The following PDE4D variants were observed in gnomAD, a reference collection of about 807,000 sequenced individuals.
The protein encoded by PDE4D is 3',5'-cyclic-AMP phosphodiesterase 4D.
In PDE4D, 24 loss-of-function variants were observed where a neutral mutation model predicts 87.4. The observed-to-expected ratio is 0.27, with a 90% CI of 0.20 to 0.39. PDE4D has a LOEUF of 0.39. PDE4D is among the 10% of genes least tolerant of loss of function. The pLI is 1.00. For missense variants in PDE4D, 714 were observed against 1,041.0 expected (o/e 0.69, Z 4.32); for synonymous variants, 384 against 383.2 (o/e 1.00, Z -0.02).
intron 2 of PDE4D, among the ~76,000 whole-genome samples, chr5:60,016,503 T>C (rs1765536692): frequency 6.6e-6 from 1 of 152,188 alleles, no homozygotes; most frequent in Admixed American, 6.5e-5. Context: ...CTGTAGCATG[T>C]GGTGCTGTTT....
At chr5:59,073,288 T>G (rs1189651481) in intron 5 of PDE4D, among the ~76,000 whole-genome samples, 1 of 152,042 alleles carries the variant, frequency 6.6e-6, no homozygotes, top group Non-Finnish European at 1.5e-5. Context: ...CCTGCTAAGC[T>G]GGGGAATTCA....
intron 1 of PDE4D, among the ~76,000 whole-genome samples, chr5:60,519,816 C>A (rs927640816): frequency 6.6e-6 from 1 of 152,076 alleles, no homozygotes; most frequent in Admixed American, 6.5e-5. Context: ...ACTTTTAATA[C>A]GTCAAAGGTA....
chr5:60,037,988 G>C (rs1041299810), intron 2 of PDE4D, among the ~76,000 whole-genome samples: 34 of 152,056 alleles, frequency 2.2e-4, no homozygotes, highest in African/African-American at 7.5e-4. Context: ...GAAAAATTTA[G>C]GTGGCTCCAT....
intron 3 of PDE4D, among the ~76,000 whole-genome samples, chr5:59,957,795 G>A (rs1426693833): frequency 1.3e-5 from 2 of 152,022 alleles, no homozygotes; most frequent in Non-Finnish European, 2.9e-5. Flanking sequence ...TTCTGAAAAT[G>A]AGTGAATTTT....
chr5:59,788,843 A>G (rs1193388928), intron 1 of PDE4D, among the ~76,000 whole-genome samples: 2 of 152,276 alleles, frequency 1.3e-5, no homozygotes, highest in Non-Finnish European at 1.5e-5. Context: ...ATTCCCTTAC[A>G]TAGCTATAGA....
At chr5:59,758,791 T>TA (rs1489503528) in intron 1 of PDE4D, among the ~76,000 whole-genome samples, 10 of 152,190 alleles carry the variant, frequency 6.6e-5, no homozygotes, top group African/African-American at 1.4e-4. Context: ...CTTACTTTCT[T>TA]ACAGCAGCAA....
intron 6 of PDE4D, among the ~76,000 whole-genome samples, chr5:59,012,981 T>G (rs1178818121): frequency 6.6e-6 from 1 of 150,730 alleles, no homozygotes; most frequent in Non-Finnish European, 1.5e-5. Context: ...AAGTAGAAGT[T>G]GGGATTAAGA....
At chr5:59,508,237 G>T (rs1809631681) in intron 1 of PDE4D, among the ~76,000 whole-genome samples, 1 of 152,062 alleles carries the variant, frequency 6.6e-6, no homozygotes. Flanking sequence ...ATACCCAAAA[G>T]TCAATACCTA....
intron 2 of PDE4D, among the ~76,000 whole-genome samples, chr5:60,035,921 C>G (rs1017989464): frequency 6.6e-6 from 1 of 152,154 alleles, no homozygotes; most frequent in Non-Finnish European, 1.5e-5. Flanking sequence ...ACATTCCCAG[C>G]AGATTCAAAC....
chr5:59,852,582 A>G (rs1744842175), intron 1 of PDE4D, among the ~76,000 whole-genome samples: 1 of 152,120 alleles, frequency 6.6e-6, no homozygotes, highest in African/African-American at 2.4e-5. Flanking sequence ...GTCCTGATGT[A>G]TATGACTGTA....
chr5:60,301,994 G>C (rs1337625286), intron 1 of PDE4D, among the ~76,000 whole-genome samples: 1 of 152,102 alleles, frequency 6.6e-6, no homozygotes, highest in Non-Finnish European at 1.5e-5. Flanking sequence ...TGCATATGTT[G>C]ATACAACCTT....
At chr5:59,810,609 C>T (rs1768240587) in intron 1 of PDE4D, among the ~76,000 whole-genome samples, 1 of 152,158 alleles carries the variant, frequency 6.6e-6, no homozygotes, top group South Asian at 2.1e-4. Flanking sequence ...GCATTTGCTC[C>T]CACCCCTGGG....
chr5:60,349,496 T>C (rs1759005277), intron 1 of PDE4D, among the ~76,000 whole-genome samples: 1 of 152,192 alleles, frequency 6.6e-6, no homozygotes, highest in South Asian at 2.1e-4. Flanking sequence ...GATCGAATCA[T>C]GCCACTTTAA....
chr5:59,022,206 GT>G (rs1755304101), intron 6 of PDE4D, among the ~76,000 whole-genome samples: 1 of 151,982 alleles, frequency 6.6e-6, no homozygotes, highest in Admixed American at 6.6e-5. Context: ...TTACTTCAAG[GT>G]TCTCCTAAAG....
At chr5:59,465,326 A>G (rs983437529) in intron 1 of PDE4D, among the ~76,000 whole-genome samples, 18 of 152,042 alleles carry the variant, frequency 1.2e-4, no homozygotes, top group Non-Finnish European at 2.1e-4. Flanking sequence ...CACCACTACC[A>G]TCACCACCTT....
chr5:59,920,304 T>C (rs1212627435), intron 3 of PDE4D, among the ~76,000 whole-genome samples: 1 of 152,232 alleles, frequency 6.6e-6, no homozygotes, highest in Non-Finnish European at 1.5e-5. Context: ...ATCTCTGCCA[T>C]TTCCAAGCCC....
chr5:59,910,386 T>C (rs752215810), intron 3 of PDE4D, among the ~76,000 whole-genome samples: 1 of 152,228 alleles, frequency 6.6e-6, no homozygotes, highest in Non-Finnish European at 1.5e-5. Flanking sequence ...TGTTTCTGAA[T>C]TGCACATCGT....
chr5:59,576,490 A>G (rs1485308042), intron 1 of PDE4D, among the ~76,000 whole-genome samples: 1 of 152,192 alleles, frequency 6.6e-6, no homozygotes, highest in Admixed American at 6.5e-5. Context: ...ATTTCCCCTG[A>G]CAATATAATT....
At chr5:60,499,384 T>G (rs1048786948) in intron 1 of PDE4D, among the ~76,000 whole-genome samples, 1 of 152,186 alleles carries the variant, frequency 6.6e-6, no homozygotes, top group Non-Finnish European at 1.5e-5. Context: ...TCTACAGAAT[T>G]TCATGAACTT....
Sources: allele counts gnomAD v4.1 joint callset (sites outside exome capture counted in the v4.1 genomes callset), GRCh38; gene constraint gnomAD v4.1.1; transcripts MANE v1.5; gene names NCBI Gene and HGNC (gene_info 2026-07-23, HGNC 2026-07-21).